Variants in GDA observed in about 807,000 individuals in gnomAD.
GDA encodes guanine deaminase, also known as cytoplasmic PSD-95 interactor.
GDA carries 18 observed loss-of-function variants against 59.6 expected under a neutral mutation model. The observed-to-expected ratio is 0.30, with a 90% CI of 0.21 to 0.45. The LOEUF is 0.45. Ranked by LOEUF, GDA falls within the 20% of genes least tolerant of loss-of-function variation. GDA has a pLI of 1.00. For synonymous variants in GDA, 201 were observed against 201.1 expected (o/e 1.00, Z 0.00); for missense variants, 427 against 552.3 (o/e 0.77, Z 2.27).
At chr9:72,232,011 A>G (rs1838414290) in intron 10 of GDA, among the ~76,000 whole-genome samples, 1 of 152,236 alleles carries the variant, frequency 6.6e-6, no homozygotes, top group African/African-American at 2.4e-5. Context: ...CGGATTAGTG[A>G]TGTTTCCTTT....
chr9:72,123,404 T>G (rs1031790967), intron 1 of GDA, among the ~76,000 whole-genome samples: 2 of 151,782 alleles, frequency 1.3e-5, no homozygotes, highest in Non-Finnish European at 2.9e-5. Context: ...AGGAGGGTCT[T>G]GATCTCCTGA....
At chr9:72,146,403 C>G (rs1409640350), upstream of GDA, among the ~76,000 whole-genome samples, 1 of 152,096 alleles carries the variant, frequency 6.6e-6, no homozygotes, top group Non-Finnish European at 1.5e-5. Context: ...TCTGTACTCC[C>G]TCTTTCCTCC....
At position 72,167,468 on chromosome 9, in the gene GDA, A is replaced by G. The variant is rs186445955; in HGVS notation, c.123+17786A>G. ...ACCCTTAGCAGTTTGATGAGCATACATTTAAGAAATAAAGGATTCCTTGAA... is the reference window on the plus strand; with the variant it reads ...ACCCTTAGCAGTTTGATGAGCATACGTTTAAGAAATAAAGGATTCCTTGAA... On this transcript the variant is annotated intron_variant, in intron 1 of 13. Coordinates refer to ENST00000358399, the MANE Select transcript of GDA (RefSeq NM_004293.5). Among the ~76,000 whole-genome samples, 4 of 152,310 alleles carry G rather than the reference A, an allele frequency of 2.6e-5. No individual in the cohort carries two copies. In the East Asian group the frequency reaches 7.7e-4, roughly 29 times the overall value.
chr9:72,204,939 C>A (rs1834481242), intron 3 of GDA, among the ~76,000 whole-genome samples: 2 of 151,834 alleles, frequency 1.3e-5, no homozygotes, highest in Admixed American at 1.3e-4. Context: ...TGGCAAAACC[C>A]TGTCTCTACT....
intron 3 of GDA, among the ~76,000 whole-genome samples, chr9:72,203,076 G>A (rs978051005): frequency 3.9e-5 from 6 of 152,130 alleles, no homozygotes; most frequent in African/African-American, 1.4e-4. Flanking sequence ...CTGTTCTGAG[G>A]ACCATATGGA....
upstream of GDA, chr9:72,149,266 A>G (rs1167934585): frequency 4.8e-6 from 2 of 420,530 alleles, no homozygotes; most frequent in African/African-American, 4.3e-5. Flanking sequence ...TGATCTTGAT[A>G]ACTCAAAGAG....
At chr9:72,217,540 G>T (rs1412071675) in intron 5 of GDA, among the ~76,000 whole-genome samples, 2 of 152,204 alleles carry the variant, frequency 1.3e-5, no homozygotes, top group African/African-American at 4.8e-5. Context: ...TGTCCAACTT[G>T]AATGTCAATA....
intron 6 of GDA, among the ~76,000 whole-genome samples, chr9:72,221,656 A>G (rs1288602419): frequency 6.6e-6 from 1 of 152,212 alleles, no homozygotes; most frequent in Non-Finnish European, 1.5e-5. Context: ...TTCATCACCC[A>G]GGTATTAAGC....
intron 4 of GDA, among the ~76,000 whole-genome samples, chr9:72,213,605 C>A (rs1464242934): frequency 6.6e-6 from 1 of 151,720 alleles, no homozygotes; most frequent in Non-Finnish European, 1.5e-5. Context: ...AGATCGAGAC[C>A]ATCTTGGCTA....
At chr9:72,172,146 A>T (rs907791754) in intron 1 of GDA, among the ~76,000 whole-genome samples, 4 of 152,040 alleles carry the variant, frequency 2.6e-5, no homozygotes, top group African/African-American at 9.7e-5. Context: ...TGCCCTAGAC[A>T]TGCCATTGCC....
chr9:72,175,244 G>A (rs1830416144), intron 1 of GDA, among the ~76,000 whole-genome samples: 1 of 152,116 alleles, frequency 6.6e-6, no homozygotes, highest in Non-Finnish European at 1.5e-5. Context: ...ATAGCTCACT[G>A]CAGCCTTGAA....
At chr9:72,243,405 G>A (rs1298083269) in intron 11 of GDA, among the ~76,000 whole-genome samples, 1 of 152,170 alleles carries the variant, frequency 6.6e-6, no homozygotes, top group African/African-American at 2.4e-5. Context: ...ACTGCACCTG[G>A]TTATCTGGCC....
downstream of GDA, among the ~76,000 whole-genome samples, chr9:72,256,757 G>A (rs1211416577): frequency 6.6e-6 from 1 of 152,156 alleles, no homozygotes; most frequent in Non-Finnish European, 1.5e-5. Flanking sequence ...TATACATTCT[G>A]ATTCAGTAGG....
intron 1 of GDA, among the ~76,000 whole-genome samples, chr9:72,178,487 G>A (rs1000751564): frequency 3.5e-5 from 5 of 143,668 alleles, no homozygotes; most frequent in African/African-American, 8.0e-5. Flanking sequence ...GTGCAATCTC[G>A]GCTCACTGCA....
chr9:72,244,321 G>A (rs369365880), intron 11 of GDA, among the ~76,000 whole-genome samples: 61 of 152,256 alleles, frequency 4.0e-4, no homozygotes, highest in South Asian at 1.2e-3. Flanking sequence ...CTCTGTTGGC[G>A]AAGAAAGCCA....
chr9:72,204,304 A>G (rs1350012317), intron 3 of GDA, among the ~76,000 whole-genome samples: 1 of 152,224 alleles, frequency 6.6e-6, no homozygotes, highest in Non-Finnish European at 1.5e-5. Flanking sequence ...CTCAAAATTT[A>G]TTTATGCCTC....
intron 10 of GDA, among the ~76,000 whole-genome samples, chr9:72,232,160 A>G (rs1461755590): frequency 6.6e-6 from 1 of 152,072 alleles, no homozygotes; most frequent in Admixed American, 6.6e-5. Flanking sequence ...AAATTTTTTT[A>G]ATGGGTATGG....
chr9:72,129,076 C>T (rs1362643009), intron 1 of GDA, among the ~76,000 whole-genome samples: 2 of 152,046 alleles, frequency 1.3e-5, no homozygotes, highest in African/African-American at 2.4e-5. Context: ...GATTCTCCTG[C>T]CTCAGCCTCC....
At chr9:72,202,797 A>C (rs1265643184) in intron 3 of GDA, 55 bp downstream of exon 3, 1 of 1,316,372 alleles carries the variant, frequency 7.6e-7, no homozygotes, top group East Asian at 2.3e-5. Flanking sequence ...TAGAAATATC[A>C]GTTTCCTAGG....
Sources: allele counts gnomAD v4.1 joint callset (sites outside exome capture counted in the v4.1 genomes callset), GRCh38; gene constraint gnomAD v4.1.1; transcripts MANE v1.5; gene names NCBI Gene and HGNC (gene_info 2026-07-23, HGNC 2026-07-21).